The following ADAM12 variants were observed in gnomAD, a reference collection of about 807,000 sequenced individuals.
ADAM12 encodes disintegrin and metalloproteinase domain-containing protein 12.
ADAM12 carries 70 observed loss-of-function variants against 106.4 expected under a neutral mutation model. That is an observed-to-expected ratio of 0.66 (90% CI 0.54 to 0.80). The LOEUF (loss-of-function observed/expected upper bound fraction) is 0.80, where lower values mean the gene tolerates loss of function less well. Ranked by LOEUF, ADAM12 falls within the 30% of genes least tolerant of loss-of-function variation. The probability of loss-of-function intolerance (pLI) is 0.00; values close to 1 mark genes in which losing one functional copy is unlikely to be tolerated. For synonymous variants in ADAM12, 420 were observed against 433.5 expected (o/e 0.97, Z 0.39); for missense variants, 1,010 against 1,171.9 (o/e 0.86, Z 2.02).
chr10:126,311,052 T>C (rs4962550), intron 2 of ADAM12, among the ~76,000 whole-genome samples: 53,777 of 150,628 alleles, frequency 0.36, 10,792 homozygotes, highest in African/African-American at 0.55. Context: ...TGCCCACCTT[T>C]TTAGTGGGTT....
chr10:126,200,063 A>T (rs900715636), intron 3 of ADAM12, among the ~76,000 whole-genome samples: 1 of 152,178 alleles, frequency 6.6e-6, no homozygotes, highest in Non-Finnish European at 1.5e-5. Context: ...CACCTACGAG[A>T]TGCTCTTTAA....
chr10:126,175,364 T>C (rs892434420), intron 3 of ADAM12, among the ~76,000 whole-genome samples: 3 of 152,326 alleles, frequency 2.0e-5, no homozygotes, highest in Non-Finnish European at 4.4e-5. Flanking sequence ...AATATTATTA[T>C]TATTTACTCA....
chr10:126,353,103 G>T (rs1198814228), intron 1 of ADAM12, among the ~76,000 whole-genome samples: 1 of 152,184 alleles, frequency 6.6e-6, no homozygotes, highest in Non-Finnish European at 1.5e-5. Flanking sequence ...CATACCAAAT[G>T]CAGCCCACAG....
Position 126,251,755 on chromosome 10 carries a change from G to A in ADAM12, c.260+27160C>T, listed in dbSNP as rs563856025. Among the ~76,000 whole-genome samples, 5 of 152,226 alleles carry A rather than the reference G, an allele frequency of 3.3e-5. No individual in the cohort carries two copies. In the East Asian group the frequency reaches 9.7e-4, roughly 30 times the overall value. On this transcript the variant is annotated intron_variant, in intron 3 of 22. Coordinates refer to ENST00000448723, the MANE Select transcript of ADAM12 (RefSeq NM_001288973.2). ...GATGGATATGATGGATAGATTGGAT[G>A]GATGGATGGGATGATGGGATGAATG...
intron 3 of ADAM12, among the ~76,000 whole-genome samples, chr10:126,251,358 A>G (rs1394908342): frequency 6.6e-6 from 1 of 152,240 alleles, no homozygotes; most frequent in Non-Finnish European, 1.5e-5. Context: ...TTCTTTATTT[A>G]GATGAGGAAG....
chr10:126,335,544 G>T (rs1275067488), intron 1 of ADAM12, among the ~76,000 whole-genome samples: 1 of 152,118 alleles, frequency 6.6e-6, no homozygotes, highest in Admixed American at 6.5e-5. Context: ...GGGCAATATG[G>T]TGGTGATGCT....
At chr10:126,027,771 T>C (rs1953902156) in intron 21 of ADAM12, among the ~76,000 whole-genome samples, 1 of 152,176 alleles carries the variant, frequency 6.6e-6, no homozygotes, top group Admixed American at 6.5e-5. Flanking sequence ...GAGTAAAAGC[T>C]GGAAGCTTTC....
In ADAM12 at chr10:126,064,936, T is replaced by C; in HGVS notation, c.1479A>G (p.Thr493=). 1.9e-6 allele frequency: 3 copies of C among 1,613,182 alleles called. No individual in the cohort carries two copies. The highest frequency in any genetic ancestry group is 2.5e-6 in the Non-Finnish European group (3 of 1,179,710). ...SNSCDLPEFC[T]GASPHCPANV... ...TGGCTGGGCAGTGAGGGCTGGCCCC[T>C]GTGCAGAACTCTGGGAGGTCACAGG... Residue 493 remains threonine (T), a synonymous_variant, in exon 14 of 23, where the codon ACA becomes ACG. Transcript: ENST00000448723. The surrounding 1 kb of genome is among the most constrained non-coding windows in gnomAD (Gnocchi z 4.4).
At chr10:126,235,833 C>G (rs1330273601) in intron 3 of ADAM12, among the ~76,000 whole-genome samples, 1 of 152,210 alleles carries the variant, frequency 6.6e-6, no homozygotes, top group Non-Finnish European at 1.5e-5. Flanking sequence ...ATCGCAGGGC[C>G]TGGCAACTGG....
In ADAM12 at chr10:126,099,978, CT is replaced by C. The variant is rs748349935; in HGVS notation, c.911+1093del. Among the ~76,000 whole-genome samples the C allele has an allele frequency of 9.4e-3, 1,304 of 139,302 alleles. 21 individuals carry two copies. Among genetic ancestry groups the C allele is most frequent in the Admixed American group, 0.041 (593 of 14,552 alleles). 91.4% of individuals were successfully genotyped at this position (139,302 alleles called of 152,430 possible). A position where few individuals can be genotyped will look rare whatever the true frequency, so the allele number is the denominator to read the frequency against. On this transcript the variant is annotated intron_variant, in intron 9 of 22. Coordinates refer to ENST00000448723, the MANE Select transcript of ADAM12 (RefSeq NM_001288973.2). ...TACTTCATACTAATTTAGATTGTTC[CT>C]TTTTTTTTTAAGTATAAAAGCATCG...
At chr10:126,235,640 C>T (rs1306058594) in intron 3 of ADAM12, among the ~76,000 whole-genome samples, 1 of 152,192 alleles carries the variant, frequency 6.6e-6, no homozygotes, top group African/African-American at 2.4e-5. Flanking sequence ...GAAGATGCCA[C>T]CAGGATGCGT....
At chr10:126,307,329 T>C (rs1315066769) in intron 2 of ADAM12, among the ~76,000 whole-genome samples, 1 of 152,106 alleles carries the variant, frequency 6.6e-6, no homozygotes, top group Non-Finnish European at 1.5e-5. Flanking sequence ...GGTGGCTCTG[T>C]TTTTTTCTCT....
At chr10:126,268,789 T>A (rs750343944) in intron 3 of ADAM12, among the ~76,000 whole-genome samples, 1 of 152,158 alleles carries the variant, frequency 6.6e-6, no homozygotes, top group Non-Finnish European at 1.5e-5. Context: ...TCCTGGGGCA[T>A]GATACTGTAA....
At chr10:126,033,755 A>G (rs1432673253) in intron 21 of ADAM12, among the ~76,000 whole-genome samples, 2 of 152,182 alleles carry the variant, frequency 1.3e-5, no homozygotes, top group Non-Finnish European at 2.9e-5. Flanking sequence ...AACAGAGACT[A>G]TGGGTAGAAC....
At chr10:126,263,735 A>G (rs1959045442) in intron 3 of ADAM12, among the ~76,000 whole-genome samples, 1 of 152,226 alleles carries the variant, frequency 6.6e-6, no homozygotes, top group Admixed American at 6.5e-5. Flanking sequence ...ATTGAATAAC[A>G]TATTTCCATC....
intron 3 of ADAM12, among the ~76,000 whole-genome samples, chr10:126,156,531 G>A (rs1449785051): frequency 6.6e-6 from 1 of 152,180 alleles, no homozygotes; most frequent in Non-Finnish European, 1.5e-5. Flanking sequence ...ACACCCTGAG[G>A]AGCGTAATTT....
intron 4 of ADAM12, among the ~76,000 whole-genome samples, chr10:126,151,471 G>A (rs1300929816): frequency 6.6e-6 from 1 of 152,122 alleles, no homozygotes; most frequent in African/African-American, 2.4e-5. Context: ...AATTTGGTCA[G>A]AAGTATTTTT....
intron 3 of ADAM12, among the ~76,000 whole-genome samples, chr10:126,193,595 C>A (rs1224922887): frequency 6.6e-6 from 1 of 152,054 alleles, no homozygotes; most frequent in African/African-American, 2.4e-5. Context: ...ATTATCACAC[C>A]TTTTAAACAT....
At chr10:126,345,491 T>G (rs923574982) in intron 1 of ADAM12, among the ~76,000 whole-genome samples, 4 of 152,190 alleles carry the variant, frequency 2.6e-5, no homozygotes, top group Admixed American at 6.5e-5. Flanking sequence ...TCTCCTTTTT[T>G]GTTGTGTCTC....
Sources: gnomAD v4.1 joint callset for allele counts (sites outside exome capture counted in the v4.1 genomes callset) on GRCh38, gnomAD v4.1.1 for gene constraint, Gnocchi (gnomAD v3.1) non-coding constraint, MANE v1.5 for transcripts, NCBI Gene and HGNC (gene_info 2026-07-23, HGNC 2026-07-21) for gene names.